Variants in NFIC observed in about 807,000 individuals in gnomAD.
NFIC encodes nuclear factor 1 C-type.
Under a neutral mutation model 54.4 loss-of-function variants are expected in NFIC, and 12 were observed. The ratio of observed to expected loss-of-function variants is 0.22; its 90% confidence interval spans 0.14 to 0.36. NFIC has a LOEUF of 0.36. NFIC is among the 10% of genes least tolerant of loss of function. The probability of loss-of-function intolerance (pLI) is 1.00; values close to 1 mark genes in which losing one functional copy is unlikely to be tolerated. For synonymous variants in NFIC, 322 were observed against 319.2 expected, an observed-to-expected ratio of 1.01 and a Z score of -0.09; for missense variants, 575 against 718.2, an observed-to-expected ratio of 0.80 and a Z score of 2.28.
At chr19:3,438,974 C>T (rs187627914) in intron 6 of NFIC, among the ~76,000 whole-genome samples, 1 of 152,002 alleles carries the variant, frequency 6.6e-6, no homozygotes, top group East Asian at 1.9e-4. Context: ...AGGACCTCCC[C>T]GAGGAGGAGA....
At chr19:3,420,202 C>T (rs1169047151) in intron 2 of NFIC, among the ~76,000 whole-genome samples, 1 of 151,874 alleles carries the variant, frequency 6.6e-6, no homozygotes, top group Non-Finnish European at 1.5e-5. Flanking sequence ...GTACCTGGGG[C>T]CCCAGCTACT....
At chr19:3,363,659 T>C (rs1021710499), upstream of NFIC, among the ~76,000 whole-genome samples, 2 of 152,232 alleles carry the variant, frequency 1.3e-5, no homozygotes, top group African/African-American at 4.8e-5. Context: ...ATGTGTACTC[T>C]TTAAAACCCT....
chr19:3,424,500 C>T (rs2081998408), intron 2 of NFIC, among the ~76,000 whole-genome samples: 1 of 152,130 alleles, frequency 6.6e-6, no homozygotes, highest in African/African-American at 2.4e-5. Flanking sequence ...TCTCAGTCTC[C>T]CAAGTAGCTG....
Position 3,370,838 on chromosome 19 carries a change from C to T in NFIC, c.30+4172C>T, listed in dbSNP as rs142993072. Among the ~76,000 whole-genome samples, 259 of 152,316 alleles carry T rather than the reference C, an allele frequency of 1.7e-3. No individual in the cohort carries two copies. Among genetic ancestry groups the T allele is most frequent in the Non-Finnish European group, 2.1e-3 (142 of 68,030 alleles). ...TGGGCCTCCTGCCCCGGACACGGCC[C>T]GCCCCCCACTCTCCTGCCTGTGTCC... On this transcript the variant is annotated intron_variant, in intron 1 of 10. Coordinates refer to ENST00000443272, the MANE Select transcript of NFIC (RefSeq NM_001245002.2). This position sits in a 1 kb window ranked among gnomAD's most constrained non-coding sequence, Gnocchi z 5.2.
chr19:3,363,255 A>G (rs1395532501), upstream of NFIC, among the ~76,000 whole-genome samples: 8 of 13,352 alleles, frequency 6.0e-4, no homozygotes, highest in South Asian at 5.0e-3. Context: ...ATATATATAT[A>G]TATATATATA....
At chr19:3,414,618 TAAAATAAAATAAAATA>T (rs1434278908) in intron 2 of NFIC, among the ~76,000 whole-genome samples, 1 of 146,378 alleles carries the variant, frequency 6.8e-6, no homozygotes, top group African/African-American at 2.5e-5. Context: ...TAAAATAAAA[TAAAATAAAATAAAATA>T]AAATAAAATA....
At chr19:3,378,485 G>C (rs1295068554) in intron 1 of NFIC, among the ~76,000 whole-genome samples, 1 of 152,172 alleles carries the variant, frequency 6.6e-6, no homozygotes, top group Non-Finnish European at 1.5e-5. Flanking sequence ...AGGGAGCTGG[G>C]GGCCTCCCAC....
At chr19:3,462,393 A>T (rs2082655191) in intron 10 of NFIC, among the ~76,000 whole-genome samples, 2 of 152,228 alleles carry the variant, frequency 1.3e-5, no homozygotes, top group Admixed American at 1.3e-4. Context: ...AAAAAATAAA[A>T]TAATAAATAA....
chr19:3,401,457 A>T (rs1422029781), intron 2 of NFIC, among the ~76,000 whole-genome samples: 2 of 152,122 alleles, frequency 1.3e-5, no homozygotes, highest in Non-Finnish European at 2.9e-5. Context: ...TCAGTTGCTC[A>T]CCTGGGTCGT....
At position 3,377,221 on chromosome 19, in the gene NFIC, C is replaced by G. The variant is rs376116820; in HGVS notation, c.31-4491C>G. Among the ~76,000 whole-genome samples the G allele has an allele frequency of 3.9e-3, 576 of 147,060 alleles. 2 individuals are homozygous for G. The highest frequency in any genetic ancestry group is 0.014 in the African/African-American group (549 of 39,968). On this transcript the variant is annotated intron_variant, in intron 1 of 10. Transcript: ENST00000443272. The stretch of plus-strand genomic sequence containing the variant: ...TGGTGGCGGGTGCCTGTAGTCCCAG[C>G]TATTCAGGAGGCTGAGGCAGGAGAA...
intron 1 of NFIC, among the ~76,000 whole-genome samples, chr19:3,381,288 G>C (rs1382980577): frequency 2.6e-5 from 4 of 151,802 alleles, no homozygotes; most frequent in Non-Finnish European, 5.9e-5. Flanking sequence ...CTAGCTACTC[G>C]GGAGGCTGAG....
chr19:3,374,704 C>T (rs718202), intron 1 of NFIC, among the ~76,000 whole-genome samples: 57,912 of 151,948 alleles, frequency 0.38, 12,399 homozygotes, highest in East Asian at 0.76. Context: ...GGATTTTCAG[C>T]ATCTAGCTTG....
intron 2 of NFIC, among the ~76,000 whole-genome samples, chr19:3,391,423 G>A (rs532044610): frequency 6.6e-6 from 1 of 152,262 alleles, no homozygotes; most frequent in Non-Finnish European, 1.5e-5. Flanking sequence ...GGCTGAGGCG[G>A]GAAGATGACT....
chr19:3,456,571 C>G lies in NFIC; in HGVS notation c.1445C>G (p.Ser482Cys). Residue 482 changes from serine to cysteine, a missense_variant, in exon 10 of 11, where the codon TCC becomes TGC. Transcript: ENST00000443272. Reference sequence around the variant, plus strand: ...GCAGCCTACTCTCCGCCCGACACGTCCCCTGCAAACCGTTCCTTTGTGGGA... The same window carrying G: ...GCAGCCTACTCTCCGCCCGACACGTGCCCTGCAAACCGTTCCTTTGTGGGA... The part of the protein sequence containing the change: ...TSPSYSPPDT[S>C]PANRSFVGLG... 6.4e-7 allele frequency: 1 copy of G among 1,553,688 alleles called. No individual in the cohort carries two copies. The highest frequency in any genetic ancestry group is 8.7e-7 in the Non-Finnish European group (1 of 1,147,960).
chr19:3,426,231 C>CTT (rs531487576), intron 3 of NFIC, among the ~76,000 whole-genome samples: 6 of 148,658 alleles, frequency 4.0e-5, no homozygotes, highest in East Asian at 2.0e-4. Context: ...CCGCGCCTGG[C>CTT]TTTTTTTTTT....
chr19:3,366,717 CA>C lies in NFIC; in HGVS notation c.30+52del, dbSNP rs745575491. Reference sequence around the variant, plus strand: ...CGGCGCCCCCGCGCCCCCCGCATCCCAGCCCCGGAGTTTTGAAGCAGGAGGA... The same window carrying C: ...CGGCGCCCCCGCGCCCCCCGCATCCCGCCCCGGAGTTTTGAAGCAGGAGGA... On this transcript the variant is annotated intron_variant, in intron 1 of 10. Coordinates refer to ENST00000443272, the MANE Select transcript of NFIC (RefSeq NM_001245002.2). 3.1e-6 allele frequency: 4 copies of C among 1,289,946 alleles called. No homozygotes were observed. The South Asian group carries it at 7.5e-5, about 24-fold the overall frequency. 79.9% of individuals were successfully genotyped at this position (1,289,946 alleles called of 1,614,324 possible).
rs762937535 is a variant in NFIC, at chr19:3,381,902, C to T, written c.221C>T (p.Ser74Leu). 1 of 1,613,802 alleles carries T rather than the reference C, an allele frequency of 6.2e-7. No homozygotes were observed. ...CCCGAGGTCAAGCAGAAGTGGGCGT[C>T]GCGGCTGCTGGCCAAGCTGCGCAAG... is the stretch of plus-strand genomic sequence containing the variant. Reference protein sequence around the residue: ...EKPEVKQKWASRLLAKLRKDI... With the variant: ...EKPEVKQKWALRLLAKLRKDI... Residue 74 changes from serine (S) to leucine (L), a missense_variant, in exon 2 of 11, where the codon TCG (serine) becomes TTG (leucine). By Grantham distance (145) the Ser-to-Leu change is moderately radical. Coordinates refer to ENST00000443272, the MANE Select transcript of NFIC (RefSeq NM_001245002.2).
At chr19:3,401,910 C>A (rs1161285115) in intron 2 of NFIC, among the ~76,000 whole-genome samples, 1 of 151,462 alleles carries the variant, frequency 6.6e-6, no homozygotes, top group South Asian at 2.1e-4. Flanking sequence ...TTAGTAGAGA[C>A]GGAGTTGCAC....
intron 9 of NFIC, chr19:3,454,222 G>T (rs2082516473): frequency 7.5e-6 from 9 of 1,205,402 alleles, no homozygotes; most frequent in Non-Finnish European, 9.3e-6. Flanking sequence ...GGTATGTCAG[G>T]CAGCTGACAG....
Sources: allele counts gnomAD v4.1 joint callset (sites outside exome capture counted in the v4.1 genomes callset), GRCh38; gene constraint gnomAD v4.1.1; non-coding constraint Gnocchi (gnomAD v3.1); transcripts MANE v1.5; gene names NCBI Gene and HGNC (gene_info 2026-07-23, HGNC 2026-07-21).